The following AIFM3 variants were observed in gnomAD, a reference collection of about 807,000 sequenced individuals.
The protein encoded by AIFM3 is apoptosis-inducing factor 3.
AIFM3 carries 71 observed loss-of-function variants against 82.7 expected under a neutral mutation model. That is an observed-to-expected ratio of 0.86 (90% CI 0.71 to 1.05). The LOEUF is 1.05. Among genes scored for constraint, AIFM3 ranks in the 50% least tolerant of loss-of-function variants. The probability of loss-of-function intolerance (pLI) is 0.00; values close to 1 mark genes in which losing one functional copy is unlikely to be tolerated. For missense variants in AIFM3, 748 were observed against 816.7 expected, an observed-to-expected ratio of 0.92 and a Z score of 1.03; for synonymous variants, 337 against 329.1, an observed-to-expected ratio of 1.02 and a Z score of -0.26.
Position 20,981,087 on chromosome 22 carries a change from C to A in AIFM3, c.*56C>A. ...GGGGGCACCAAGGGCACAGGCCAAG[C>A]CTTGGGGGCAGGTGCCAATCTCCAG... is the stretch of plus-strand genomic sequence containing the variant. On this transcript the variant is annotated 3_prime_UTR_variant, in exon 21 of 21. Transcript: ENST00000440238. 6.2e-7 allele frequency: 1 copy of A among 1,608,954 alleles called. No individual in the cohort carries two copies. The highest frequency in any genetic ancestry group is 8.5e-7 in the Non-Finnish European group (1 of 1,176,912).
At position 20,981,289 on chromosome 22, in the gene AIFM3, G is replaced by T. The variant is rs1405097642; in HGVS notation, c.*258G>T. ...GCCCTGCCTCTTCTCCCTCTATTGG[G>T]ACTGGTCCCCTGAAGAACCCTGCAA... On this transcript the variant is annotated 3_prime_UTR_variant, in exon 21 of 21. Transcript: ENST00000440238. The T allele has an allele frequency of 5.4e-6, 3 of 553,484 alleles. No homozygotes were observed. Among genetic ancestry groups the T allele is most frequent in the African/African-American group, 1.9e-5 (1 of 52,906 alleles). 34.3% of individuals were successfully genotyped at this position (553,484 alleles called of 1,614,324 possible).
chr22:20,974,101 G>T lies in AIFM3; in HGVS notation c.394G>T (p.Gly132Cys), dbSNP rs779994284. 1.2e-6 allele frequency: 2 copies of T among 1,612,596 alleles called. No individual in the cohort carries two copies. Among genetic ancestry groups the T allele is most frequent in the Middle Eastern group, 1.7e-4 (1 of 5,752 alleles). The change falls in exon 5 of 21, where the codon GGC (glycine) becomes TGC (cysteine). Residue 132 changes from glycine (G) to cysteine (C), a missense_variant. Coordinates refer to ENST00000440238, the MANE Select transcript of AIFM3 (RefSeq NM_001386814.1). ...TGGTCGGGTGCGCTGCCCCTGGCAC[G>T]GCGCCTGCTTCAACATCAGCACTGG... is the stretch of plus-strand genomic sequence containing the variant. ...SRGRVRCPWH[G>C]ACFNISTGDL... is the part of the protein sequence containing the mutation.
In AIFM3 at chr22:20,974,614, G is replaced by C; in HGVS notation, c.600G>C (p.Val200=). 6.2e-7 allele frequency: 1 copy of C among 1,613,746 alleles called. No homozygotes were observed. The highest frequency in any genetic ancestry group is 8.5e-7 in the Non-Finnish European group (1 of 1,179,880). ...GYSSSTNVLI[V]GAGAAGLVCA... is the part of the protein sequence containing the mutation. ...GCAGTAGCACCAATGTGCTCATTGT[G>C]GGTGCAGGTTGGTAGTGGGGTCATG... The change falls in exon 7 of 21, where the codon GTG becomes GTC. Residue 200 remains valine, a synonymous_variant. Coordinates refer to ENST00000440238, the MANE Select transcript of AIFM3 (RefSeq NM_001386814.1).
intron 1 of AIFM3, 57 bp from the exon 2 acceptor site, chr22:20,967,746 CCT>C (rs1257346864): frequency 1.7e-6 from 1 of 605,934 alleles, no homozygotes; most frequent in Non-Finnish European, 2.9e-6. Context: ...TCTCTCCGTC[CCT>C]CTGTGTCTCT....
At position 20,976,944 on chromosome 22, in the gene AIFM3, C is replaced by T; in HGVS notation, c.1218+6C>T. 1 of 1,612,132 alleles carries T rather than the reference C, an allele frequency of 6.2e-7. No individual in the cohort carries two copies. Among genetic ancestry groups the T allele is most frequent in the East Asian group, 2.2e-5 (1 of 44,822 alleles). ...TGCGGGGCCAGGAGGGAAAGGTGGG[C>T]CCTTCTCCCTTCTCCCTGCTGCTTT... On this transcript the variant is annotated splice_donor_region_variant and intron_variant, in intron 13 of 20. Coordinates refer to ENST00000440238, the MANE Select transcript of AIFM3 (RefSeq NM_001386814.1).
intron 14 of AIFM3, 155 bp from the exon 15 acceptor site, chr22:20,977,545 C>G (rs542829800): frequency 2.4e-6 from 2 of 836,694 alleles, no homozygotes; most frequent in Non-Finnish European, 1.9e-6. Flanking sequence ...TGTGGGAGAC[C>G]GGGTAGTGGG....
At position 20,974,624 on chromosome 22, in the gene AIFM3, T is replaced by C; in HGVS notation, c.607+3T>C. 6.2e-7 allele frequency: 1 copy of C among 1,613,574 alleles called. No homozygotes were observed. The highest frequency in any genetic ancestry group is 8.5e-7 in the Non-Finnish European group (1 of 1,179,810). On this transcript the variant is annotated splice_donor_region_variant and intron_variant, in intron 7 of 20. Coordinates refer to ENST00000440238, the MANE Select transcript of AIFM3 (RefSeq NM_001386814.1). ...CAATGTGCTCATTGTGGGTGCAGGT[T>C]GGTAGTGGGGTCATGAGGGGCAGGG...
In AIFM3 at chr22:20,976,908, G is replaced by C. The variant is rs1437638655; in HGVS notation, c.1188G>C (p.Glu396Asp). Residue 396 changes from glutamate (E) to aspartate (D), a missense_variant, in exon 13 of 21, where the codon GAG (glutamate) becomes GAC (aspartate). Around this residue, in one of 5 missense-constraint regions of AIFM3, gnomAD observed 393 missense variants for 481.1 expected, o/e 0.82. Coordinates refer to ENST00000440238, the MANE Select transcript of AIFM3 (RefSeq NM_001386814.1). ...GGGTGAAGTTCTACATGCAGACGGAGGTGTCTGAGCTGCGGGGCCAGGAGG... is the reference window on the plus strand; with the variant it reads ...GGGTGAAGTTCTACATGCAGACGGACGTGTCTGAGCTGCGGGGCCAGGAGG... ...NNRVKFYMQTEVSELRGQEGK... is the reference protein window; with the variant it reads ...NNRVKFYMQTDVSELRGQEGK... 1 of 1,609,512 alleles carries C rather than the reference G, an allele frequency of 6.2e-7. No individual in the cohort carries two copies. The highest frequency in any genetic ancestry group is 1.1e-5 in the South Asian group (1 of 90,770).
At chr22:20,966,495 C>T (rs570241264), upstream of AIFM3, 13 of 152,488 alleles carry the variant, frequency 8.5e-5, no homozygotes, top group East Asian at 2.5e-3. Context: ...GTTTCCACCC[C>T]TTGCTCTCAG....
At chr22:20,977,277 C>A in intron 14 of AIFM3, 182 bp downstream of exon 14, 1 of 782,938 alleles carries the variant, frequency 1.3e-6, no homozygotes, top group Non-Finnish European at 2.1e-6. Flanking sequence ...TGGGCTCAGC[C>A]CAGGCCTGGC....
At chr22:20,972,091 G>C (rs922161093) in intron 2 of AIFM3, among the ~76,000 whole-genome samples, 1 of 152,214 alleles carries the variant, frequency 6.6e-6, no homozygotes, top group African/African-American at 2.4e-5. Context: ...TCTCAAATTG[G>C]TGAGAAGAGC....
At position 20,974,188 on chromosome 22, in the gene AIFM3, C is replaced by G; in HGVS notation, c.465+16C>G. The G allele has an allele frequency of 6.2e-7, 1 of 1,612,150 alleles. No homozygotes were observed. The highest frequency in any genetic ancestry group is 8.5e-7 in the Non-Finnish European group (1 of 1,179,568). The stretch of plus-strand genomic sequence containing the variant: ...CAAGTTCCAGGTGGGGCCAGGAGTG[C>G]GATGGGGTGGGAACCTGGGGGTGTG... On this transcript the variant is annotated intron_variant, in intron 5 of 20. Transcript: ENST00000440238.
At chr22:20,972,010 C>G (rs1323399894) in intron 2 of AIFM3, among the ~76,000 whole-genome samples, 1 of 151,524 alleles carries the variant, frequency 6.6e-6, no homozygotes, top group Non-Finnish European at 1.5e-5. Context: ...CACATGCATT[C>G]CCATGCTCAG....
At chr22:20,979,173 G>A in intron 16 of AIFM3, 98 bp from the exon 17 acceptor site, 2 of 1,195,666 alleles carry the variant, frequency 1.7e-6, no homozygotes, top group Non-Finnish European at 2.4e-6. Context: ...ACCAGGAGGA[G>A]TAGCCACACG....
At position 20,974,075 on chromosome 22, in the gene AIFM3, G is replaced by C. The variant is rs538782836; in HGVS notation, c.368G>C (p.Arg123Pro). 3 of 1,609,442 alleles carry C rather than the reference G, an allele frequency of 1.9e-6. No homozygotes were observed. The highest frequency in any genetic ancestry group is 2.5e-6 in the Non-Finnish European group (3 of 1,179,262). Residue 123 changes from arginine to proline, a missense_variant, in exon 5 of 21, where the codon CGT becomes CCT. By Grantham distance (103) the Arg-to-Pro change is moderately radical. Transcript: ENST00000440238. Reference protein sequence around the residue: ...GAPLVKGVLSRGRVRCPWHGA... With the variant: ...GAPLVKGVLSPGRVRCPWHGA... ...CTCCCCTTCCCAGGCGTTCTGTCCC[G>C]TGGTCGGGTGCGCTGCCCCTGGCAC...
chr22:20,974,035 G>A (rs1417407764), intron 4 of AIFM3, 28 bp from the exon 5 acceptor site: 2 of 1,578,806 alleles, frequency 1.3e-6, no homozygotes, highest in Non-Finnish European at 1.7e-6. Context: ...CCTGCTGGTG[G>A]GCGCAGCCTA....
Position 20,977,903 on chromosome 22 carries a change from G to A in AIFM3, c.1375G>A (p.Val459Ile). 1 of 1,614,170 alleles carries A rather than the reference G, an allele frequency of 6.2e-7. No individual in the cohort carries two copies. The highest frequency in any genetic ancestry group is 1.3e-5 in the African/African-American group (1 of 75,026). ...CTCTCTACAGATGATGCAGACCAAT[G>A]TCCCAGGCGTGTTTGCAGCTGGCGA... ...IPVNKMMQTN[V>I]PGVFAAGDAV... The change falls in exon 16 of 21, where the codon GTC (valine) becomes ATC (isoleucine). Residue 459 changes from valine to isoleucine, a missense_variant. This residue lies in a region of AIFM3 where 393 missense variants were observed against 481.1 expected (regional missense o/e 0.82). Transcript: ENST00000440238.
chr22:20,981,208 T>C lies in AIFM3; in HGVS notation c.*177T>C, dbSNP rs577851091. On this transcript the variant is annotated 3_prime_UTR_variant, in exon 21 of 21. Transcript: ENST00000440238. ...GGAGGCCTCTGCTGGATCCAGAAGATGCTCAACCCTCAAGGCCTCTGCTGC... is the reference window on the plus strand; with the variant it reads ...GGAGGCCTCTGCTGGATCCAGAAGACGCTCAACCCTCAAGGCCTCTGCTGC... 1.3e-5 allele frequency: 10 copies of C among 798,816 alleles called. No individual in the cohort carries two copies. In the East Asian group the frequency reaches 2.4e-4, roughly 19 times the overall value. The allele number at this position is 798,816 out of a possible 1,614,324, so 49.5% of individuals were successfully genotyped here.
In AIFM3 at chr22:20,981,049, T is replaced by C. The variant is rs372669531; in HGVS notation, c.*18T>C. The C allele has an allele frequency of 3.7e-6, 6 of 1,613,968 alleles. No homozygotes were observed. The African/African-American group carries it at 5.3e-5, about 14-fold the overall frequency. On this transcript the variant is annotated 3_prime_UTR_variant, in exon 21 of 21. Coordinates refer to ENST00000440238, the MANE Select transcript of AIFM3 (RefSeq NM_001386814.1). Reference sequence around the variant, plus strand: ...GATCCTGAGCTCACATGCAGTAGACTTGGGCAGGCAAAGGGGGCACCAAGG... The same window carrying C: ...GATCCTGAGCTCACATGCAGTAGACCTGGGCAGGCAAAGGGGGCACCAAGG...
Sources: allele counts gnomAD v4.1 joint callset (sites outside exome capture counted in the v4.1 genomes callset), GRCh38; gene constraint gnomAD v4.1.1; regional missense constraint gnomAD v4.1.1; transcripts MANE v1.5; gene names NCBI Gene and HGNC (gene_info 2026-07-23, HGNC 2026-07-21).